Variants in LEF1 observed in about 807,000 individuals in gnomAD.
The protein encoded by LEF1 is lymphoid enhancer binding factor 1.
Under a neutral mutation model 51.2 loss-of-function variants are expected in LEF1, and 14 were observed. The ratio of observed to expected loss-of-function variants is 0.27; its 90% CI spans 0.18 to 0.43. The LOEUF (loss-of-function observed/expected upper bound fraction) is 0.43. Among genes scored for constraint, LEF1 ranks in the 20% least tolerant of loss-of-function variants. The probability of loss-of-function intolerance (pLI) is 1.00; values close to 1 mark genes in which losing one functional copy is unlikely to be tolerated. For synonymous variants in LEF1, 185 were observed against 183.2 expected, an observed-to-expected ratio of 1.01 and a Z score of -0.08; for missense variants, 386 against 512.0, an observed-to-expected ratio of 0.75 and a Z score of 2.37.
intron 4 of LEF1, among the ~76,000 whole-genome samples, chr4:108,084,470 T>G (rs1739514103): frequency 6.6e-6 from 1 of 152,222 alleles, no homozygotes; most frequent in Non-Finnish European, 1.5e-5. Flanking sequence ...TTCTTAAATA[T>G]TCTGCTTTTT....
At chr4:108,070,994 G>A (rs79192813) in intron 8 of LEF1, 7,367 of 428,160 alleles carry the variant, frequency 0.017, 99 homozygotes, top group South Asian at 0.033. Flanking sequence ...GATATCACAT[G>A]AAACACATCA....
At chr4:108,105,669 C>T (rs1179684504) in intron 3 of LEF1, among the ~76,000 whole-genome samples, 1 of 152,154 alleles carries the variant, frequency 6.6e-6, no homozygotes, top group Non-Finnish European at 1.5e-5. Flanking sequence ...AATTTTAAGT[C>T]TTCTATCTCG....
chr4:108,108,005 A>T (rs1741280870), intron 3 of LEF1, among the ~76,000 whole-genome samples: 1 of 152,180 alleles, frequency 6.6e-6, no homozygotes, highest in South Asian at 2.1e-4. Flanking sequence ...GCGGGCTAGA[A>T]AGGGACAGGT....
intron 9 of LEF1, among the ~76,000 whole-genome samples, chr4:108,068,548 A>G (rs1276191427): frequency 1.3e-5 from 2 of 152,190 alleles, no homozygotes; most frequent in Non-Finnish European, 2.9e-5. Flanking sequence ...CCATCAGCAT[A>G]TGGTAGTTAT....
intron 7 of LEF1, 175 bp from the exon 8 acceptor site, chr4:108,078,557 C>T (rs1739074066): frequency 1.4e-6 from 1 of 734,384 alleles, no homozygotes; most frequent in South Asian, 1.7e-5. Context: ...TGACAAAACA[C>T]TGAGAGGCAA....
chr4:108,133,127 C>T (rs1314797164), intron 3 of LEF1, among the ~76,000 whole-genome samples: 1 of 152,112 alleles, frequency 6.6e-6, no homozygotes, highest in African/African-American at 2.4e-5. Context: ...CCACACACCA[C>T]CATGCCTGGC....
intron 3 of LEF1, among the ~76,000 whole-genome samples, chr4:108,111,638 G>C (rs572208456): frequency 6.6e-6 from 1 of 152,334 alleles, no homozygotes; most frequent in African/African-American, 2.4e-5. Context: ...CAGGCCAGGC[G>C]TGGTGGCTCA....
chr4:108,137,169 A>G (rs1743316200), intron 3 of LEF1, among the ~76,000 whole-genome samples: 1 of 152,212 alleles, frequency 6.6e-6, no homozygotes, highest in Non-Finnish European at 1.5e-5. Flanking sequence ...TTTTTACAAA[A>G]CATCACAAAT....
At chr4:108,079,418 G>A in intron 7 of LEF1, 74 bp downstream of exon 7, 1 of 1,534,200 alleles carries the variant, frequency 6.5e-7, no homozygotes, top group South Asian at 1.1e-5. Flanking sequence ...AAGGATCACT[G>A]TTGCAAAGGA....
At chr4:108,068,992 T>C (rs1738269215) in intron 9 of LEF1, among the ~76,000 whole-genome samples, 1 of 152,226 alleles carries the variant, frequency 6.6e-6, no homozygotes, top group Non-Finnish European at 1.5e-5. Context: ...CAAATACATA[T>C]GCTGAAATTC....
chr4:108,074,604 G>A (rs553629783), intron 8 of LEF1, among the ~76,000 whole-genome samples: 1 of 152,192 alleles, frequency 6.6e-6, no homozygotes, highest in Admixed American at 6.5e-5. Context: ...AGTGTAAAAC[G>A]TCATGATTTT....
intron 4 of LEF1, among the ~76,000 whole-genome samples, chr4:108,084,519 A>T (rs139130025): frequency 2.1e-4 from 32 of 152,352 alleles, no homozygotes; most frequent in African/African-American, 7.0e-4. Context: ...TGTATCTTAA[A>T]GATACTGAAA....
intron 9 of LEF1, among the ~76,000 whole-genome samples, chr4:108,066,073 T>A (rs1738060078): frequency 6.6e-6 from 1 of 152,194 alleles, no homozygotes; most frequent in South Asian, 2.1e-4. Context: ...TGGCTAAATT[T>A]TGTATTTTTG....
At position 108,167,924 on chromosome 4, in the gene LEF1, C is replaced by G. The variant is rs1418984604; in HGVS notation, c.-157G>C. 2.2e-6 allele frequency: 1 copy of G among 448,710 alleles called. No homozygotes were observed. The highest frequency in any genetic ancestry group is 3.6e-6 in the Non-Finnish European group (1 of 278,016). The allele number at this position is 448,710 out of a possible 1,614,324, so 27.8% of individuals were successfully genotyped here. On this transcript the variant is annotated 5_prime_UTR_variant, in exon 1 of 12. Transcript: ENST00000265165. This position sits in a 1 kb window ranked among gnomAD's most constrained non-coding sequence, Gnocchi z 5.7. ...GCGGGGCGGGCGAGCGCGGGGCCGC[C>G]GGCCGGCAGCCGGAGCAGCTGCCGC...
intron 8 of LEF1, among the ~76,000 whole-genome samples, chr4:108,074,640 C>G (rs1172621353): frequency 6.6e-6 from 1 of 152,196 alleles, no homozygotes; most frequent in Non-Finnish European, 1.5e-5. Flanking sequence ...AAAGAGCTAG[C>G]AAGGGCTGCC....
chr4:108,061,297 A>C (rs1191362348), intron 11 of LEF1, among the ~76,000 whole-genome samples: 1 of 152,210 alleles, frequency 6.6e-6, no homozygotes, highest in Non-Finnish European at 1.5e-5. Flanking sequence ...AAGAAAATAT[A>C]AATAAGTGAC....
chr4:108,052,264 T>C (rs1476691917), intron 11 of LEF1, among the ~76,000 whole-genome samples: 1 of 152,200 alleles, frequency 6.6e-6, no homozygotes. Flanking sequence ...TCATGTAATA[T>C]CACTTCCTTA....
intron 6 of LEF1, among the ~76,000 whole-genome samples, chr4:108,080,680 G>T (rs1050244340): frequency 1.3e-5 from 2 of 152,090 alleles, no homozygotes; most frequent in African/African-American, 4.8e-5. Context: ...TATGTTTTAA[G>T]GGGAAGGATA....
At chr4:108,117,758 G>A (rs1260180926) in intron 3 of LEF1, among the ~76,000 whole-genome samples, 1 of 152,172 alleles carries the variant, frequency 6.6e-6, no homozygotes, top group Non-Finnish European at 1.5e-5. Flanking sequence ...GGGCGTGAAG[G>A]GTCCCAGCAA....
Sources: allele counts gnomAD v4.1 joint callset (sites outside exome capture counted in the v4.1 genomes callset), GRCh38; gene constraint gnomAD v4.1.1; non-coding constraint Gnocchi (gnomAD v3.1); transcripts MANE v1.5; gene names NCBI Gene and HGNC (gene_info 2026-07-23, HGNC 2026-07-21).